Variants in NOS1AP observed in about 807,000 individuals in gnomAD.
The protein encoded by NOS1AP is carboxyl-terminal PDZ ligand of neuronal nitric oxide synthase protein.
Under a neutral mutation model 56.2 loss-of-function variants are expected in NOS1AP, and 21 were observed. The observed-to-expected ratio is 0.37, with a 90% CI of 0.26 to 0.54. The LOEUF (loss-of-function observed/expected upper bound fraction) is 0.54, where lower values mean the gene tolerates loss of function less well. NOS1AP is among the 20% of genes least tolerant of loss of function. The pLI, the probability that NOS1AP is intolerant of heterozygous loss-of-function variation, is 0.84. For synonymous variants in NOS1AP, 270 were observed against 274.6 expected, an observed-to-expected ratio of 0.98 and a Z score of 0.17; for missense variants, 522 against 657.8, an observed-to-expected ratio of 0.79 and a Z score of 2.26.
At chr1:162,261,150 A>AGAGAGAGAGAGAGAGAG (rs1557853412) in intron 2 of NOS1AP, among the ~76,000 whole-genome samples, 2 of 139,454 alleles carry the variant, frequency 1.4e-5, no homozygotes, top group African/African-American at 5.5e-5. Flanking sequence ...TGGCAGAAAC[A>AGAGAGAGAGAGAGAGAG]ACCAGTAAAT....
At chr1:162,121,000 G>T (rs1648189544) in intron 1 of NOS1AP, among the ~76,000 whole-genome samples, 1 of 151,338 alleles carries the variant, frequency 6.6e-6, no homozygotes, top group African/African-American at 2.4e-5. Flanking sequence ...TTCTCATGAG[G>T]AACTCAGCTG....
intron 1 of NOS1AP, among the ~76,000 whole-genome samples, chr1:162,097,782 G>C (rs1037980162): frequency 6.6e-6 from 1 of 152,158 alleles, no homozygotes; most frequent in Non-Finnish European, 1.5e-5. Flanking sequence ...TTGCGATCTA[G>C]CGGGATGATT....
At chr1:162,142,061 C>T (rs2102076039) in intron 1 of NOS1AP, among the ~76,000 whole-genome samples, 1 of 152,292 alleles carries the variant, frequency 6.6e-6, no homozygotes, top group South Asian at 2.1e-4. Context: ...ACAGTTATAC[C>T]TTGGAGCTAC....
At chr1:162,132,789 G>A (rs561868108) in intron 1 of NOS1AP, among the ~76,000 whole-genome samples, 2 of 152,264 alleles carry the variant, frequency 1.3e-5, no homozygotes, top group South Asian at 4.1e-4. Flanking sequence ...ACCCCTCCCA[G>A]GTTCCACACT....
intron 2 of NOS1AP, among the ~76,000 whole-genome samples, chr1:162,216,878 C>A (rs1352448571): frequency 6.6e-6 from 1 of 152,134 alleles, no homozygotes; most frequent in South Asian, 2.1e-4. Flanking sequence ...GACAGCATAG[C>A]AGTACTTATA....
Position 162,184,985 on chromosome 1 carries a change from G to C in NOS1AP, c.177+30509G>C, listed in dbSNP as rs1046100897. On this transcript the variant is annotated intron_variant, in intron 2 of 9. Transcript: ENST00000361897. Reference sequence around the variant, plus strand: ...GTCTCACTGGGCTAAAAATCAAGATGCTGGCACAGCTGTTTCTTTCTGGAG... The same window carrying C: ...GTCTCACTGGGCTAAAAATCAAGATCCTGGCACAGCTGTTTCTTTCTGGAG... 3.3e-5 allele frequency among the ~76,000 whole-genome samples: 5 copies of C among 152,202 alleles called. No homozygotes were observed. In the South Asian group the frequency reaches 1.0e-3, roughly 32 times the overall value.
chr1:162,190,717 G>A (rs969681540), intron 2 of NOS1AP, among the ~76,000 whole-genome samples: 1 of 152,104 alleles, frequency 6.6e-6, no homozygotes, highest in Non-Finnish European at 1.5e-5. Context: ...CTCCTATGTA[G>A]CGTAATTTTG....
chr1:162,333,135 C>T lies in NOS1AP; in HGVS notation c.453+10C>T, dbSNP rs373750990. The stretch of plus-strand genomic sequence containing the variant: ...TAAATCCAAGAAGAAGGTAAAGAGG[C>T]GGTTGCCGTCCATCTGCTATTTTCC... On this transcript the variant is annotated intron_variant, in intron 5 of 9. Transcript: ENST00000361897. 16 of 1,577,372 alleles carry T rather than the reference C, an allele frequency of 1.0e-5. No homozygotes were observed. The highest frequency in any genetic ancestry group is 3.3e-4 in the Middle Eastern group (2 of 6,022).
At chr1:162,163,268 C>A in intron 2 of NOS1AP, among the ~76,000 whole-genome samples, 1 of 151,882 alleles carries the variant, frequency 6.6e-6, no homozygotes. Context: ...TTTTAGAAAA[C>A]ACTTGATAGG....
intron 4 of NOS1AP, among the ~76,000 whole-genome samples, chr1:162,312,975 G>C (rs2819324): frequency 6.6e-6 from 1 of 151,296 alleles, no homozygotes; most frequent in East Asian, 2.0e-4. Flanking sequence ...TTGATGGGAC[G>C]TATTTCAAAA....
intron 1 of NOS1AP, among the ~76,000 whole-genome samples, chr1:162,141,856 G>T (rs1353874539): frequency 1.3e-5 from 2 of 152,206 alleles, no homozygotes; most frequent in Non-Finnish European, 2.9e-5. Context: ...CTGTTGGGTG[G>T]ATCACCATAG....
chr1:162,311,400 A>G (rs1656021991), intron 4 of NOS1AP, among the ~76,000 whole-genome samples: 1 of 152,126 alleles, frequency 6.6e-6, no homozygotes, highest in Non-Finnish European at 1.5e-5. Context: ...ATAGGGTGCA[A>G]AAAGTCCCTT....
At position 162,253,318 on chromosome 1, in the gene NOS1AP, A is replaced by G. The variant is rs538586531; in HGVS notation, c.178-34026A>G. 1.4e-4 allele frequency among the ~76,000 whole-genome samples: 22 copies of G among 152,314 alleles called. 1 individual carries two copies. Among genetic ancestry groups the G allele is most frequent in the African/African-American group, 5.3e-4 (22 of 41,578 alleles). On this transcript the variant is annotated intron_variant, in intron 2 of 9. Transcript: ENST00000361897. ...GAACTGTGAGAAATTTCTGTTCATT[A>G]TAAATTATCAGTCTCTGATATCCTG...
rs146427019 is a variant in NOS1AP at position 162,278,360 on chromosome 1, T to A, written c.178-8984T>A. Among the ~76,000 whole-genome samples, 13 of 152,334 alleles carry A rather than the reference T, an allele frequency of 8.5e-5. No individual in the cohort carries two copies. The East Asian group carries it at 2.5e-3, about 29-fold the overall frequency. ...TTGCTCAAGGTCACGTAGCTAAGAA[T>A]GTGAATACTTGCTGTGAAATAGCAT... On this transcript the variant is annotated intron_variant, in intron 2 of 9. Transcript: ENST00000361897.
intron 6 of NOS1AP, among the ~76,000 whole-genome samples, chr1:162,351,679 GTCTT>G (rs1657500739): frequency 1.3e-5 from 2 of 152,108 alleles, no homozygotes; most frequent in African/African-American, 4.8e-5. Context: ...ATAAGGTCGG[GTCTT>G]TCTTATCTTA....
At chr1:162,323,353 T>G (rs561532807) in intron 4 of NOS1AP, among the ~76,000 whole-genome samples, 1 of 152,364 alleles carries the variant, frequency 6.6e-6, no homozygotes, top group South Asian at 2.1e-4. Context: ...ACTTCTGGCC[T>G]CCTGAACTGT....
chr1:162,287,275 A>G (rs1655119242), intron 2 of NOS1AP, 69 bp from the exon 3 acceptor site: 1 of 1,131,516 alleles, frequency 8.8e-7, no homozygotes, highest in Admixed American at 1.7e-5. Flanking sequence ...GGCATGGGCT[A>G]GCTGGGTCTG....
chr1:162,094,117 A>G lies in NOS1AP; in HGVS notation c.105+23835A>G, dbSNP rs1018281499. Among the ~76,000 whole-genome samples the G allele has an allele frequency of 3.9e-5, 6 of 152,278 alleles. No homozygotes were observed. The East Asian group carries it at 9.7e-4, about 25-fold the overall frequency. The stretch of plus-strand genomic sequence containing the variant: ...GCATATTGTGTGATAGACTCGCACC[A>G]ATGGCAGATGTGTGGTTGGACTCTC... On this transcript the variant is annotated intron_variant, in intron 1 of 9. Coordinates refer to ENST00000361897, the MANE Select transcript of NOS1AP (RefSeq NM_014697.3).
rs867819523 is a variant in NOS1AP, at chr1:162,221,082, C to A, written c.178-66262C>A. Among the ~76,000 whole-genome samples, 10 of 152,308 alleles carry A rather than the reference C, an allele frequency of 6.6e-5. 1 individual carries two copies. Among genetic ancestry groups the A allele is most frequent in the Middle Eastern group, 3.4e-3 (1 of 294 alleles). Reference sequence around the variant, plus strand: ...TCAGCCTCCTGAGTAGCTGGGACTGCAGGCATGGACCACCATGCCCATTAA... The same window carrying A: ...TCAGCCTCCTGAGTAGCTGGGACTGAAGGCATGGACCACCATGCCCATTAA... On this transcript the variant is annotated intron_variant, in intron 2 of 9. Transcript: ENST00000361897.
Sources: allele counts gnomAD v4.1 joint callset (sites outside exome capture counted in the v4.1 genomes callset), GRCh38; gene constraint gnomAD v4.1.1; transcripts MANE v1.5; gene names NCBI Gene and HGNC (gene_info 2026-07-23, HGNC 2026-07-21).